Variants in SRRM1 observed in about 807,000 individuals in gnomAD.
SRRM1 encodes the protein serine/arginine repetitive matrix protein 1.
In SRRM1, 19 loss-of-function variants were observed where a neutral mutation model predicts 110.2. The observed-to-expected ratio is 0.17, with a 90% confidence interval of 0.12 to 0.25. SRRM1 has a LOEUF of 0.25. Among genes scored for constraint, SRRM1 ranks in the 10% least tolerant of loss-of-function variants. SRRM1 has a pLI of 1.00. For synonymous variants in SRRM1, 443 were observed against 414.9 expected (o/e 1.07, Z -0.82); for missense variants, 918 against 1,145.8 (o/e 0.80, Z 2.87).
chr1:24,653,198 G>C (rs191664513), intron 8 of SRRM1, among the ~76,000 whole-genome samples, 166 bp downstream of exon 8: 1 of 152,168 alleles, frequency 6.6e-6, no homozygotes, highest in Non-Finnish European at 1.5e-5. Context: ...GCAGTTGTTC[G>C]TGTTATGAAA....
At chr1:24,666,971 C>G (rs761630991) in intron 13 of SRRM1, 46 bp downstream of exon 13, 1 of 1,183,288 alleles carries the variant, frequency 8.5e-7, no homozygotes, top group Non-Finnish European at 1.2e-6. Flanking sequence ...CAACTCCCCC[C>G]GCCCCTGATA....
chr1:24,672,461 G>A lies in SRRM1; in HGVS notation c.*175G>A, dbSNP rs1381653234. On this transcript the variant is annotated 3_prime_UTR_variant, in exon 17 of 17. Coordinates refer to ENST00000323848, the MANE Select transcript of SRRM1 (RefSeq NM_005839.4). Reference sequence around the variant, plus strand: ...TTACATTGCAAAAGGTGTCCACAGTGTATTAGTGACATTCTTTCATTGACA... The same window carrying A: ...TTACATTGCAAAAGGTGTCCACAGTATATTAGTGACATTCTTTCATTGACA... 1 of 401,794 alleles carries A rather than the reference G, an allele frequency of 2.5e-6. No homozygotes were observed. The highest frequency in any genetic ancestry group is 4.6e-6 in the Non-Finnish European group (1 of 218,020). The allele number at this position is 401,794 out of a possible 1,614,324, so 24.9% of individuals were successfully genotyped here. A position where few individuals can be genotyped will look rare whatever the true frequency, so the allele number is the denominator to read the frequency against.
At chr1:24,668,171 C>T (rs1256994504) in intron 13 of SRRM1, among the ~76,000 whole-genome samples, 1 of 151,466 alleles carries the variant, frequency 6.6e-6, no homozygotes, top group Non-Finnish European at 1.5e-5. Flanking sequence ...GAGGTTTCAC[C>T]ATGGTAGCCA....
rs1557677753 is a variant in SRRM1, at chr1:24,652,983, A to G, written c.991A>G (p.Arg331Gly). Reference protein sequence around the residue: ...PSPRRRTPPRRMPPPPRHRRS... With the variant: ...PSPRRRTPPRGMPPPPRHRRS... ...TCCTCGAAGAAGAACTCCGCCAAGA[A>G]GAATGCCTCCTCCACCAAGGCATAG... is the stretch of plus-strand genomic sequence containing the variant. The change falls in exon 8 of 17, where the codon AGA (arginine) becomes GGA (glycine). Residue 331 changes from arginine to glycine, a missense_variant. By Grantham distance (125) the Arg-to-Gly change is moderately radical. This residue lies in a region of SRRM1 where 456 missense variants were observed against 453.5 expected (regional missense o/e 1.01). Coordinates refer to ENST00000323848, the MANE Select transcript of SRRM1 (RefSeq NM_005839.4). 6.2e-7 allele frequency: 1 copy of G among 1,614,030 alleles called. No individual in the cohort carries two copies. The highest frequency in any genetic ancestry group is 8.5e-7 in the Non-Finnish European group (1 of 1,179,940).
chr1:24,659,579 A>G (rs189781604), intron 9 of SRRM1, among the ~76,000 whole-genome samples: 182 of 152,366 alleles, frequency 1.2e-3, no homozygotes, highest in African/African-American at 4.2e-3. Flanking sequence ...GATAGATACT[A>G]TAAGCAGAGT....
At chr1:24,670,928 C>G (rs76033785) in intron 15 of SRRM1, among the ~76,000 whole-genome samples, 1 of 152,176 alleles carries the variant, frequency 6.6e-6, no homozygotes, top group Non-Finnish European at 1.5e-5. Flanking sequence ...CATCCCCACT[C>G]TAAAGATAGG....
intron 12 of SRRM1, among the ~76,000 whole-genome samples, chr1:24,663,933 G>A (rs1397159127): frequency 6.8e-6 from 1 of 147,814 alleles, no homozygotes; most frequent in East Asian, 2.0e-4. Flanking sequence ...GCGAATGGAA[G>A]GCTTTGGCCC....
At chr1:24,647,763 A>C (rs1216294679) in intron 3 of SRRM1, 1 of 152,736 alleles carries the variant, frequency 6.5e-6, no homozygotes, top group Non-Finnish European at 1.5e-5. Flanking sequence ...TTTAAAGACT[A>C]ATTTTAAGAA....
intron 9 of SRRM1, among the ~76,000 whole-genome samples, chr1:24,656,581 T>C (rs1452389372): frequency 6.6e-6 from 1 of 152,234 alleles, no homozygotes; most frequent in Non-Finnish European, 1.5e-5. Flanking sequence ...TGTCCAAATC[T>C]GATGCCCATG....
chr1:24,664,256 A>G (rs1021932016), intron 12 of SRRM1, among the ~76,000 whole-genome samples: 76 of 152,278 alleles, frequency 5.0e-4, no homozygotes, highest in African/African-American at 1.7e-3. Flanking sequence ...TCGGCCTCCC[A>G]AAGTGTTGGG....
intron 8 of SRRM1, among the ~76,000 whole-genome samples, chr1:24,653,282 C>G (rs1662083109): frequency 6.6e-6 from 1 of 152,158 alleles, no homozygotes; most frequent in Non-Finnish European, 1.5e-5. Flanking sequence ...TTTTACCCTT[C>G]TAGACTTCAC....
chr1:24,652,147 G>C (rs1377126438), intron 6 of SRRM1, among the ~76,000 whole-genome samples: 1 of 149,106 alleles, frequency 6.7e-6, no homozygotes, highest in African/African-American at 2.5e-5. Context: ...TTGAGCCTGG[G>C]AGGTTGAAGC....
chr1:24,656,724 T>A (rs957873949), intron 9 of SRRM1, among the ~76,000 whole-genome samples: 8 of 152,240 alleles, frequency 5.3e-5, no homozygotes, highest in Non-Finnish European at 1.2e-4. Flanking sequence ...CATCAAGTGA[T>A]GATTTTTTTC....
At position 24,648,987 on chromosome 1, in the gene SRRM1, T is replaced by A; in HGVS notation, c.363T>A (p.Ser121=). 6.2e-7 allele frequency: 1 copy of A among 1,613,990 alleles called. No homozygotes were observed. The highest frequency in any genetic ancestry group is 8.5e-7 in the Non-Finnish European group (1 of 1,179,968). The part of the protein sequence containing the change: ...SAQENIAGIP[S]AFLELKKEEI... The stretch of plus-strand genomic sequence containing the variant: ...AAGAAAACATCGCGGGAATCCCTTC[T>A]GCTTTCCTAGAACTGAAGAAAGAAG... Residue 121 remains serine (S), a synonymous_variant, in exon 4 of 17, where the codon TCT becomes TCA. Transcript: ENST00000323848.
At chr1:24,663,038 A>G in intron 12 of SRRM1, 1 of 943,460 alleles carries the variant, frequency 1.1e-6, no homozygotes, top group African/African-American at 1.7e-5. Flanking sequence ...GTGCATGATT[A>G]GAAAAATAAA....
intron 12 of SRRM1, chr1:24,663,261 G>T: frequency 6.9e-7 from 1 of 1,457,724 alleles, no homozygotes; most frequent in South Asian, 1.4e-5. Flanking sequence ...AGGGTTACAT[G>T]TCAAAAATTG....
chr1:24,666,213 A>G (rs953118935), intron 12 of SRRM1, among the ~76,000 whole-genome samples: 1 of 152,196 alleles, frequency 6.6e-6, no homozygotes, highest in Non-Finnish European at 1.5e-5. Flanking sequence ...ACTCTGTGTC[A>G]TGTCAAGAAT....
intron 13 of SRRM1, 136 bp downstream of exon 13, chr1:24,667,061 C>T: frequency 1.7e-6 from 1 of 597,692 alleles, no homozygotes; most frequent in South Asian, 2.2e-5. Context: ...AAAACCCAAT[C>T]ATCATGCTTA....
At chr1:24,670,926 C>G (rs947950664) in intron 15 of SRRM1, among the ~76,000 whole-genome samples, 3 of 152,212 alleles carry the variant, frequency 2.0e-5, no homozygotes, top group Admixed American at 6.5e-5. Flanking sequence ...GTCATCCCCA[C>G]TCTAAAGATA....
Sources: allele counts gnomAD v4.1 joint callset (sites outside exome capture counted in the v4.1 genomes callset), GRCh38; gene constraint gnomAD v4.1.1; regional missense constraint gnomAD v4.1.1; transcripts MANE v1.5; gene names NCBI Gene and HGNC (gene_info 2026-07-23, HGNC 2026-07-21).